The following SNX24 variants were observed in gnomAD, a reference collection of about 807,000 sequenced individuals.
SNX24 encodes sorting nexin-24.
In SNX24, 22 loss-of-function variants were observed where a neutral mutation model predicts 28.7. That is an observed-to-expected ratio of 0.77 (90% confidence interval 0.55 to 1.10). SNX24 has a LOEUF of 1.10. Among genes scored for constraint, SNX24 ranks in the 50% least tolerant of loss-of-function variants. The pLI, the probability that SNX24 is intolerant of heterozygous loss-of-function variation, is 0.00. For missense variants in SNX24, 221 were observed against 201.1 expected (o/e 1.10, Z -0.60); for synonymous variants, 69 against 71.5 (o/e 0.96, Z 0.18).
downstream of SNX24, among the ~76,000 whole-genome samples, chr5:123,012,451 G>T (rs564240708): frequency 6.6e-6 from 1 of 152,170 alleles, no homozygotes; most frequent in Non-Finnish European, 1.5e-5. Context: ...AGTATCTAGC[G>T]TAGTCAAATT....
At chr5:122,915,915 AGGCCTGTTTCGTCAT>A (rs1230919431) in intron 1 of SNX24, among the ~76,000 whole-genome samples, 17 of 152,212 alleles carry the variant, frequency 1.1e-4, no homozygotes, top group Non-Finnish European at 2.5e-4. Flanking sequence ...CCCAGGCTTC[AGGCCTGTTTCGTCAT>A]GGCCTCCTCA....
chr5:123,024,126 G>T lies in SNX24; in HGVS notation n.384-5112G>T, dbSNP rs1762814961. The T allele has an allele frequency of 3.6e-6, 4 of 1,123,372 alleles. 1 individual carries two copies. The highest frequency in any genetic ancestry group is 2.4e-5 in the African/African-American group (1 of 42,272). 69.6% of individuals were successfully genotyped at this position (1,123,372 alleles called of 1,614,324 possible). A position where few individuals can be genotyped will look rare whatever the true frequency, so the allele number is the denominator to read the frequency against. Reference sequence around the variant, plus strand: ...GGAAATAAGGTTGGTTGGTTGGTTGGTTTTTTATGACTACTAAGCGTTTTT... The same window carrying T: ...GGAAATAAGGTTGGTTGGTTGGTTGTTTTTTTATGACTACTAAGCGTTTTT... On this transcript the variant is annotated intron_variant and non_coding_transcript_variant, in intron 5 of 5. Coordinates refer to the SNX24 transcript ENST00000502387.
At position 122,917,862 on chromosome 5, in the gene SNX24, C is replaced by T. The variant is rs372735321; in HGVS notation, c.61-18872C>T. On this transcript the variant is annotated intron_variant, in intron 1 of 6. Coordinates refer to ENST00000261369, the MANE Select transcript of SNX24 (RefSeq NM_014035.4). ...TTGGGAGGCCGAGGTGGGCGGATCACGAGGTCAGGAGATCTAGACCATCCT... is the reference window on the plus strand; with the variant it reads ...TTGGGAGGCCGAGGTGGGCGGATCATGAGGTCAGGAGATCTAGACCATCCT... Among the ~76,000 whole-genome samples the T allele has an allele frequency of 4.5e-4, 69 of 152,114 alleles. 2 individuals carry two copies. Among genetic ancestry groups the T allele is most frequent in the Middle Eastern group, 3.4e-3 (1 of 294 alleles).
In SNX24 at chr5:122,854,247, G is replaced by A. The variant is rs113345737; in HGVS notation, c.60+8554G>A. ...GTGTAGGCCGGGTGCAGTAGCTCAC[G>A]CCTGTAGTCCCAGCACTTTGGGAGG... is the stretch of plus-strand genomic sequence containing the variant. On this transcript the variant is annotated intron_variant, in intron 1 of 6. Coordinates refer to ENST00000261369, the MANE Select transcript of SNX24 (RefSeq NM_014035.4). Among the ~76,000 whole-genome samples the A allele has an allele frequency of 3.9e-3, 597 of 152,210 alleles. 2 individuals are homozygous for A. Among genetic ancestry groups the A allele is most frequent in the African/African-American group, 0.014 (581 of 41,534 alleles).
At chr5:122,878,105 G>C (rs769695740) in intron 1 of SNX24, among the ~76,000 whole-genome samples, 2 of 152,144 alleles carry the variant, frequency 1.3e-5, no homozygotes, top group African/African-American at 2.4e-5. Flanking sequence ...CATCTGCCTT[G>C]AGTGAAATTA....
At chr5:122,951,322 C>CTT (rs1759934935) in intron 3 of SNX24, among the ~76,000 whole-genome samples, 1 of 147,676 alleles carries the variant, frequency 6.8e-6, no homozygotes, top group Non-Finnish European at 1.5e-5. Flanking sequence ...ATCTCCTTGA[C>CTT]TTTTGACTTA....
At position 122,954,728 on chromosome 5, in the gene SNX24, T is replaced by TA. The variant is rs34552631; in HGVS notation, c.249+8578dup. ...TCTTGTCTTCGTGGTTTCTGATTTT[T>TA]AAAAAAAAATCAGTCATATTGTTTT... is the stretch of plus-strand genomic sequence containing the variant. On this transcript the variant is annotated intron_variant, in intron 3 of 6. Coordinates refer to ENST00000261369, the MANE Select transcript of SNX24 (RefSeq NM_014035.4). Among the ~76,000 whole-genome samples the TA allele has an allele frequency of 7.3e-5, 11 of 151,612 alleles. No individual in the cohort carries two copies. In the South Asian group the frequency reaches 1.0e-3, roughly 14 times the overall value.
chr5:122,918,730 A>C (rs537909996), intron 1 of SNX24, among the ~76,000 whole-genome samples: 46 of 152,324 alleles, frequency 3.0e-4, no homozygotes, highest in African/African-American at 1.1e-3. Flanking sequence ...AGAACAAAAA[A>C]AGAGATGCAG....
intron 1 of SNX24, among the ~76,000 whole-genome samples, chr5:122,930,604 T>C (rs1323571138): frequency 1.3e-5 from 2 of 152,202 alleles, no homozygotes; most frequent in African/African-American, 4.8e-5. Context: ...TATAAACCCT[T>C]TTGATCTTTC....
intron 5 of SNX24, chr5:123,028,685 G>A: frequency 9.6e-7 from 1 of 1,044,890 alleles, no homozygotes; most frequent in Non-Finnish European, 1.4e-6. Flanking sequence ...GTGTTCCTTA[G>A]CTCTGGATTT....
intron 3 of SNX24, among the ~76,000 whole-genome samples, chr5:122,976,672 T>A (rs1209098818): frequency 6.6e-6 from 1 of 152,194 alleles, no homozygotes; most frequent in African/African-American, 2.4e-5. Flanking sequence ...GGGACAAGTG[T>A]CAAGGAAGAG....
At position 123,008,292 on chromosome 5, in the gene SNX24, G is replaced by A; in HGVS notation, c.*543G>A. On this transcript the variant is annotated 3_prime_UTR_variant, in exon 7 of 7. Coordinates refer to ENST00000261369, the MANE Select transcript of SNX24 (RefSeq NM_014035.4). ...ACTAAACTGGAAATTAAATTATACT[G>A]ACAATATTATGGCATTTTTAAGATC... is the stretch of plus-strand genomic sequence containing the variant. The A allele has an allele frequency of 2.0e-6, 2 of 984,340 alleles. No individual in the cohort carries two copies. Among genetic ancestry groups the A allele is most frequent in the Non-Finnish European group, 2.4e-6 (2 of 828,966 alleles). 61.0% of individuals were successfully genotyped at this position (984,340 alleles called of 1,614,324 possible).
At chr5:122,930,741 GACGTTCTTTTTGC>G in intron 1 of SNX24, among the ~76,000 whole-genome samples, 1 of 152,042 alleles carries the variant, frequency 6.6e-6, no homozygotes, top group Admixed American at 6.6e-5. Flanking sequence ...TGATCTTCCT[GACGTTCTTTTTGC>G]TATCATGAAT....
chr5:122,993,846 C>T (rs559333672), intron 3 of SNX24, among the ~76,000 whole-genome samples: 1 of 152,238 alleles, frequency 6.6e-6, no homozygotes, highest in South Asian at 2.1e-4. Context: ...AAGCATCTTT[C>T]CTGGTGAAGA....
chr5:122,991,427 T>C (rs1761845518), intron 3 of SNX24, among the ~76,000 whole-genome samples: 1 of 152,198 alleles, frequency 6.6e-6, no homozygotes. Flanking sequence ...TGAAATGTTA[T>C]GAGTCCAGAT....
chr5:122,860,612 T>C (rs79651810), intron 1 of SNX24, among the ~76,000 whole-genome samples: 4,603 of 152,300 alleles, frequency 0.03, 130 homozygotes, highest in East Asian at 0.04. Flanking sequence ...ATTGTTGTTG[T>C]TGAGACACAG....
At chr5:122,877,142 G>C (rs1756261160) in intron 1 of SNX24, among the ~76,000 whole-genome samples, 1 of 152,122 alleles carries the variant, frequency 6.6e-6, no homozygotes, top group African/African-American at 2.4e-5. Flanking sequence ...CTGGTAGGGA[G>C]AATGTATGAG....
intron 2 of SNX24, among the ~76,000 whole-genome samples, chr5:122,937,727 C>G (rs372514640): frequency 6.6e-6 from 1 of 152,244 alleles, no homozygotes; most frequent in South Asian, 2.1e-4. Context: ...ATCTAGTTCT[C>G]TGGTTAGCAC....
chr5:122,873,723 GA>G (rs1160642175), intron 1 of SNX24, among the ~76,000 whole-genome samples: 1 of 149,304 alleles, frequency 6.7e-6, no homozygotes, highest in Non-Finnish European at 1.5e-5. Context: ...TTCTTTTGAA[GA>G]AATGCCAGCA....
Sources: gnomAD v4.1 joint callset for allele counts (sites outside exome capture counted in the v4.1 genomes callset) on GRCh38, gnomAD v4.1.1 for gene constraint, MANE v1.5 for transcripts, NCBI Gene and HGNC (gene_info 2026-07-23, HGNC 2026-07-21) for gene names.